The following VRK2 variants were observed in gnomAD, a reference collection of about 807,000 sequenced individuals.
The protein encoded by VRK2 is serine/threonine-protein kinase VRK2.
VRK2 carries 60 observed loss-of-function variants against 57.6 expected under a neutral mutation model. The ratio of observed to expected loss-of-function variants is 1.04; its 90% CI spans 0.85 to 1.29. VRK2 has a LOEUF of 1.29. Ranked by LOEUF, VRK2 falls within the 50% of genes most tolerant of loss-of-function variation. VRK2 has a pLI of 0.00. For synonymous variants in VRK2, 231 were observed against 199.2 expected (o/e 1.16, Z -1.35); for missense variants, 705 against 588.1 (o/e 1.20, Z -2.06).
chr2:57,943,206 A>G (rs1224070676), intron 1 of VRK2, among the ~76,000 whole-genome samples: 1 of 152,202 alleles, frequency 6.6e-6, no homozygotes, highest in East Asian at 1.9e-4. Context: ...TTAAATATCC[A>G]AGAAGGTACA....
intron 1 of VRK2, among the ~76,000 whole-genome samples, chr2:57,924,370 C>G (rs938764468): frequency 1.3e-5 from 2 of 151,960 alleles, no homozygotes; most frequent in Non-Finnish European, 2.9e-5. Flanking sequence ...AATGCCTTTC[C>G]ATTTTTTTGT....
intron 2 of VRK2, among the ~76,000 whole-genome samples, chr2:58,031,347 C>G (rs1208959149): frequency 6.6e-6 from 1 of 151,840 alleles, no homozygotes; most frequent in Non-Finnish European, 1.5e-5. Context: ...AGGCTTTGTT[C>G]CCGTGTCCCC....
At chr2:58,100,331 C>CTA (rs1673773052) in intron 7 of VRK2, among the ~76,000 whole-genome samples, 2 of 151,826 alleles carry the variant, frequency 1.3e-5, no homozygotes, top group Non-Finnish European at 2.9e-5. Flanking sequence ...TTAATCACTT[C>CTA]TATATATAAA....
At chr2:58,006,285 G>A (rs897936162) in intron 1 of VRK2, among the ~76,000 whole-genome samples, 1 of 152,178 alleles carries the variant, frequency 6.6e-6, no homozygotes, top group Non-Finnish European at 1.5e-5. Flanking sequence ...TTGGCAGTTA[G>A]GAGGGATTTT....
rs377452476 is a variant in VRK2, at chr2:58,118,407, G to A, written c.544-4694G>A. Reference sequence around the variant, plus strand: ...GGAGTTTTGGGTCCATGGATAAAACGTGTCTCCTTTGTCTCTACCAGAAAA... The same window carrying A: ...GGAGTTTTGGGTCCATGGATAAAACATGTCTCCTTTGTCTCTACCAGAAAA... On this transcript the variant is annotated intron_variant, in intron 7 of 12. Coordinates refer to ENST00000340157, the MANE Select transcript of VRK2 (RefSeq NM_006296.7). Among the ~76,000 whole-genome samples, 19 of 152,332 alleles carry A rather than the reference G, an allele frequency of 1.2e-4. 2 individuals carry two copies. The highest frequency in any genetic ancestry group is 6.5e-4 in the Admixed American group (10 of 15,310).
At chr2:57,937,854 C>T (rs2717028) in intron 1 of VRK2, among the ~76,000 whole-genome samples, 43,606 of 118,760 alleles carry the variant, frequency 0.37, 7,549 homozygotes, top group Middle Eastern at 0.52. Flanking sequence ...TTTTTTGAGG[C>T]GGAGTCTTGC....
intron 7 of VRK2, among the ~76,000 whole-genome samples, chr2:58,120,214 A>C (rs1677258190): frequency 4.5e-5 from 3 of 66,500 alleles, no homozygotes; most frequent in East Asian, 4.0e-4. Flanking sequence ...TTTTTGAGAC[A>C]GAGTCTTGCT....
At chr2:58,042,539 GT>G (rs1005702188), upstream of VRK2, among the ~76,000 whole-genome samples, 21 of 152,254 alleles carry the variant, frequency 1.4e-4, no homozygotes, top group African/African-American at 5.1e-4. Context: ...TTTTCTGAAT[GT>G]TTTGTCTATG....
intron 12 of VRK2, among the ~76,000 whole-genome samples, chr2:58,155,686 G>A (rs921892042): frequency 6.6e-6 from 1 of 151,800 alleles, no homozygotes; most frequent in African/African-American, 2.4e-5. Context: ...GTTAGTGTAG[G>A]GTGATGATAC....
intron 3 of VRK2, among the ~76,000 whole-genome samples, chr2:58,040,752 G>A (rs1394158769): frequency 3.3e-5 from 5 of 152,328 alleles, no homozygotes; most frequent in Non-Finnish European, 7.3e-5. Context: ...TGTGTCAACA[G>A]TAGATACCAA....
chr2:58,081,662 A>AT (rs1670886374), intron 2 of VRK2, among the ~76,000 whole-genome samples: 1 of 151,926 alleles, frequency 6.6e-6, no homozygotes, highest in African/African-American at 2.4e-5. Flanking sequence ...ACTCAAGGGC[A>AT]TTATAGCATT....
chr2:57,966,213 G>A (rs1374170762), intron 1 of VRK2, among the ~76,000 whole-genome samples: 1 of 152,146 alleles, frequency 6.6e-6, no homozygotes, highest in Non-Finnish European at 1.5e-5. Context: ...TGCCTCCCAA[G>A]GCCCATGGGC....
At chr2:57,980,431 G>T (rs534989692) in intron 1 of VRK2, among the ~76,000 whole-genome samples, 32 of 152,220 alleles carry the variant, frequency 2.1e-4, no homozygotes, top group African/African-American at 7.5e-4. Context: ...TTTTGAATTT[G>T]TTGAGAATTG....
chr2:58,104,114 G>A (rs1326391842), intron 7 of VRK2, among the ~76,000 whole-genome samples: 1 of 151,642 alleles, frequency 6.6e-6, no homozygotes, highest in African/African-American at 2.4e-5. Context: ...CATACTAAAT[G>A]GGGGAAGGTT....
Position 57,918,002 on chromosome 2 carries a change from T to C in VRK2, c.-439+10163T>C, listed in dbSNP as rs193260404. On this transcript the variant is annotated intron_variant, in intron 1 of 15. Coordinates refer to the VRK2 transcript ENST00000417641. ...TCATTTCAGAGGTGAATGTAGACTT[T>C]GAGCTTTATTAACTAAAGTTGAAAA... Among the ~76,000 whole-genome samples the C allele has an allele frequency of 2.0e-5, 3 of 152,262 alleles. No individual in the cohort carries two copies. The East Asian group carries it at 5.8e-4, about 29-fold the overall frequency.
chr2:57,998,710 T>C (rs566251411), intron 1 of VRK2, among the ~76,000 whole-genome samples: 2 of 152,294 alleles, frequency 1.3e-5, no homozygotes, highest in Admixed American at 6.5e-5. Flanking sequence ...CAGATCACCA[T>C]GAGAATAAGA....
Position 57,948,721 on chromosome 2 carries a change from T to C in VRK2, c.-439+40882T>C, listed in dbSNP as rs537037063. ...ATAAAGCCCACATAAGCTTTCTTGG[T>C]AAGGTGAGGATCAAAGAGAAGTAGG... On this transcript the variant is annotated intron_variant, in intron 1 of 15. Transcript: ENST00000417641. 3.3e-5 allele frequency among the ~76,000 whole-genome samples: 5 copies of C among 152,096 alleles called. 1 individual carries two copies. The South Asian group carries it at 1.0e-3, about 32-fold the overall frequency.
chr2:58,008,921 C>T (rs1240479619), intron 1 of VRK2, among the ~76,000 whole-genome samples: 1 of 152,108 alleles, frequency 6.6e-6, no homozygotes, highest in Non-Finnish European at 1.5e-5. Context: ...TTGCCCTCTG[C>T]TTTCCAGATG....
At chr2:57,957,171 A>T (rs1467973678) in intron 1 of VRK2, among the ~76,000 whole-genome samples, 1 of 152,180 alleles carries the variant, frequency 6.6e-6, no homozygotes, top group Non-Finnish European at 1.5e-5. Flanking sequence ...AGTAGAACAA[A>T]AGCTATAGTC....
Sources: gnomAD v4.1 joint callset for allele counts (sites outside exome capture counted in the v4.1 genomes callset) on GRCh38, gnomAD v4.1.1 for gene constraint, MANE v1.5 for transcripts, NCBI Gene and HGNC (gene_info 2026-07-23, HGNC 2026-07-21) for gene names.